ZNF704: variants seen among roughly 807,000 people sequenced by gnomAD.
The protein encoded by ZNF704 is zinc finger protein 704, also known as glucocorticoid induced gene 1.
In ZNF704, 10 loss-of-function variants were observed where a neutral mutation model predicts 44.7. The ratio of observed to expected loss-of-function variants is 0.22; its 90% CI spans 0.14 to 0.38. The LOEUF (loss-of-function observed/expected upper bound fraction) is 0.38, where lower values mean the gene tolerates loss of function less well. Among genes scored for constraint, ZNF704 ranks in the 10% least tolerant of loss-of-function variants. The pLI, the probability that ZNF704 is intolerant of heterozygous loss-of-function variation, is 1.00. For missense variants in ZNF704, 390 were observed against 545.5 expected, an observed-to-expected ratio of 0.71 and a Z score of 2.84; for synonymous variants, 211 against 207.6, an observed-to-expected ratio of 1.02 and a Z score of -0.14.
At chr8:80,726,234 AT>A (rs910048898) in intron 2 of ZNF704, among the ~76,000 whole-genome samples, 2 of 152,102 alleles carry the variant, frequency 1.3e-5, no homozygotes, top group South Asian at 2.1e-4. Context: ...TAAATTTGCA[AT>A]TTTTTTCTTA....
intron 1 of ZNF704, among the ~76,000 whole-genome samples, chr8:80,843,928 AAT>A (rs71914127): frequency 0.028 from 4,147 of 149,922 alleles, 189 homozygotes; most frequent in African/African-American, 0.092. Context: ...AGAACAGTGA[AAT>A]ATATATATAT....
intron 2 of ZNF704, among the ~76,000 whole-genome samples, chr8:80,711,212 GAC>G (rs1426993170): frequency 1.3e-5 from 2 of 152,194 alleles, no homozygotes; most frequent in African/African-American, 4.8e-5. Flanking sequence ...GCCTTCTAGT[GAC>G]AGACATCAGA....
At chr8:80,835,921 A>G (rs1254724833) in intron 1 of ZNF704, among the ~76,000 whole-genome samples, 1 of 152,184 alleles carries the variant, frequency 6.6e-6, no homozygotes, top group African/African-American at 2.4e-5. Context: ...CTAAAATCCA[A>G]TCACTTCTTA....
intron 1 of ZNF704, among the ~76,000 whole-genome samples, chr8:80,822,335 T>C (rs1586052716): frequency 6.7e-6 from 1 of 148,414 alleles, no homozygotes; most frequent in African/African-American, 2.5e-5. Context: ...AGTGTTCTCA[T>C]TGTTTAATTC....
chr8:80,782,439 A>G (rs1219456975), intron 2 of ZNF704, among the ~76,000 whole-genome samples: 3 of 152,172 alleles, frequency 2.0e-5, no homozygotes, highest in Non-Finnish European at 4.4e-5. Flanking sequence ...TAGAGTCTCA[A>G]CAAGAGCTAG....
intron 7 of ZNF704, chr8:80,644,923 C>T (rs1482736590): frequency 1.7e-5 from 17 of 1,006,958 alleles, no homozygotes; most frequent in Non-Finnish European, 2.7e-5. Flanking sequence ...TGAAAAGCAG[C>T]TTGCCAGCTT....
chr8:80,744,992 A>G (rs1206950715), intron 2 of ZNF704, among the ~76,000 whole-genome samples: 1 of 152,208 alleles, frequency 6.6e-6, no homozygotes, highest in East Asian at 1.9e-4. Context: ...TACTTTAAAA[A>G]ATCTGTGGTC....
At position 80,629,655 on chromosome 8, in the gene ZNF704, T is replaced by C. The variant is rs547220398; in HGVS notation, c.*11711A>G. 2 of 151,694 alleles carry C rather than the reference T, an allele frequency of 1.3e-5. No homozygotes were observed. Among genetic ancestry groups the C allele is most frequent in the Non-Finnish European group, 2.9e-5 (2 of 68,036 alleles). The allele number at this position is 151,694 out of a possible 1,614,324, so 9.4% of individuals were successfully genotyped here. On this transcript the variant is annotated 3_prime_UTR_variant, in exon 9 of 9. Coordinates refer to ENST00000327835, the MANE Select transcript of ZNF704 (RefSeq NM_001033723.3). ...AAATTTGTGGATATTCTATATAGAC[T>C]TTCCAAAATATAAGTAATTTTGAAA...
In ZNF704 at chr8:80,687,304, G is replaced by A. The variant is rs773311449; in HGVS notation, c.480C>T (p.Pro160=). 23 of 1,612,856 alleles carry A rather than the reference G, an allele frequency of 1.4e-5. No homozygotes were observed. Among genetic ancestry groups the A allele is most frequent in the Non-Finnish European group, 1.8e-5 (21 of 1,179,884 alleles). ...SADSFKPFRS[P]AQPDDGIDEA... ...CGTCGATGCCGTCGTCTGGCTGCGC[G>A]GGGCTGCGGAAGGGCTTGAAGCTGT... Residue 160 remains proline (P), a synonymous_variant, in exon 4 of 9, where the codon CCC becomes CCT. Transcript: ENST00000327835.
At chr8:80,835,010 C>T (rs181501023) in intron 1 of ZNF704, among the ~76,000 whole-genome samples, 35 of 152,122 alleles carry the variant, frequency 2.3e-4, no homozygotes, top group South Asian at 4.1e-4. Context: ...TTTAATATGT[C>T]GACAATTTAA....
At chr8:80,833,956 C>T (rs555414962) in intron 1 of ZNF704, among the ~76,000 whole-genome samples, 5 of 152,272 alleles carry the variant, frequency 3.3e-5, no homozygotes, top group African/African-American at 9.6e-5. Context: ...TCTGTTTAAG[C>T]AGTTCTTAAC....
intron 2 of ZNF704, among the ~76,000 whole-genome samples, chr8:80,711,401 T>C (rs1425086311): frequency 6.6e-6 from 1 of 152,178 alleles, no homozygotes; most frequent in Admixed American, 6.5e-5. Context: ...AGAAACCCAC[T>C]ATGAATGGGA....
At chr8:80,731,824 T>C (rs1806586785) in intron 2 of ZNF704, among the ~76,000 whole-genome samples, 1 of 152,192 alleles carries the variant, frequency 6.6e-6, no homozygotes, top group African/African-American at 2.4e-5. Flanking sequence ...AGTTTTATTC[T>C]CTGTTATAAT....
chr8:80,778,915 A>T (rs1807463424), intron 2 of ZNF704, among the ~76,000 whole-genome samples: 1 of 152,168 alleles, frequency 6.6e-6, no homozygotes, highest in Non-Finnish European at 1.5e-5. Flanking sequence ...TACTAGGCTT[A>T]GTACCTAGGT....
intron 2 of ZNF704, among the ~76,000 whole-genome samples, chr8:80,707,281 C>A (rs544033578): frequency 6.6e-6 from 1 of 152,122 alleles, no homozygotes; most frequent in Admixed American, 6.5e-5. Context: ...TATATGTGAA[C>A]TAAATGCAAT....
At chr8:80,834,588 G>C (rs369495858) in intron 1 of ZNF704, among the ~76,000 whole-genome samples, 1 of 152,076 alleles carries the variant, frequency 6.6e-6, no homozygotes, top group African/African-American at 2.4e-5. Flanking sequence ...ATAGATATAC[G>C]TGTGCCATGG....
At chr8:80,765,246 T>C (rs1027004091) in intron 2 of ZNF704, among the ~76,000 whole-genome samples, 3 of 152,118 alleles carry the variant, frequency 2.0e-5, no homozygotes, top group African/African-American at 7.2e-5. Context: ...AGGCCTTCTG[T>C]ATTTGTTCTC....
At chr8:80,830,098 A>T (rs1352448259) in intron 1 of ZNF704, among the ~76,000 whole-genome samples, 3 of 152,180 alleles carry the variant, frequency 2.0e-5, no homozygotes. Flanking sequence ...AAAAAATGAG[A>T]GCTCACAGGA....
At chr8:80,683,550 C>T (rs1818487611) in intron 4 of ZNF704, among the ~76,000 whole-genome samples, 1 of 152,190 alleles carries the variant, frequency 6.6e-6, no homozygotes, top group Admixed American at 6.5e-5. Flanking sequence ...TTAACTTGGC[C>T]TCAAACGTTT....
Sources: gnomAD v4.1 joint callset for allele counts (sites outside exome capture counted in the v4.1 genomes callset) on GRCh38, gnomAD v4.1.1 for gene constraint, MANE v1.5 for transcripts, NCBI Gene and HGNC (gene_info 2026-07-23, HGNC 2026-07-21) for gene names.